The following VAV2 variants were observed in gnomAD, a reference collection of about 807,000 sequenced individuals.
VAV2 encodes guanine nucleotide exchange factor VAV2.
In VAV2, 67 loss-of-function variants were observed where a neutral mutation model predicts 132.5. The ratio of observed to expected loss-of-function variants is 0.51; its 90% CI spans 0.42 to 0.62. The LOEUF (loss-of-function observed/expected upper bound fraction) is 0.62. Ranked by LOEUF, VAV2 falls within the 20% of genes least tolerant of loss-of-function variation. The pLI, the probability that VAV2 is intolerant of heterozygous loss-of-function variation, is 0.00. For missense variants in VAV2, 938 were observed against 1,153.6 expected, an observed-to-expected ratio of 0.81 and a Z score of 2.71; for synonymous variants, 492 against 443.5, an observed-to-expected ratio of 1.11 and a Z score of -1.37.
chr9:133,767,139 A>T (rs1833465168), intron 29 of VAV2, among the ~76,000 whole-genome samples: 1 of 152,204 alleles, frequency 6.6e-6, no homozygotes, highest in Non-Finnish European at 1.5e-5. Context: ...ACAGCTCAGT[A>T]ATTACATTAA....
At chr9:133,933,283 C>T (rs1048968022) in intron 2 of VAV2, among the ~76,000 whole-genome samples, 2 of 152,286 alleles carry the variant, frequency 1.3e-5, no homozygotes, top group African/African-American at 2.4e-5. Context: ...ATTAATTGCT[C>T]AGCAGCTAAT....
chr9:133,817,823 CATTT>C (rs1419269979), intron 4 of VAV2, among the ~76,000 whole-genome samples: 3 of 152,124 alleles, frequency 2.0e-5, no homozygotes, highest in Admixed American at 6.5e-5. Flanking sequence ...TCCGCTCATT[CATTT>C]GTCGTACGTT....
rs1252400832 is a variant in VAV2, at chr9:133,777,392, T to A, written c.1962A>T (p.Gly654=). The A allele has an allele frequency of 1.9e-6, 3 of 1,613,520 alleles. No individual in the cohort carries two copies. The African/African-American group carries it at 4.0e-5, about 22-fold the overall frequency. The change falls in exon 23 of 30, where the codon GGA becomes GGT. Residue 654 remains glycine (G), a synonymous_variant. Coordinates refer to ENST00000371850, the MANE Select transcript of VAV2 (RefSeq NM_001134398.2). Reference sequence around the variant, plus strand: ...GCTTCTGTGGGAAAGGACTCACCCTTCCATCCACAGGGCAGGGCTTCACAG... The same window carrying A: ...GCTTCTGTGGGAAAGGACTCACCCTACCATCCACAGGGCAGGGCTTCACAG... ...SSSVKPCPVD[G]RPPISRPPSR...
Position 133,817,386 on chromosome 9 carries a change from C to T in VAV2, c.450-5170G>A, listed in dbSNP as rs199673107. Among the ~76,000 whole-genome samples, 61 of 152,304 alleles carry T rather than the reference C, an allele frequency of 4.0e-4. 2 individuals carry two copies. The East Asian group carries it at 9.5e-3, about 24-fold the overall frequency. On this transcript the variant is annotated intron_variant, in intron 4 of 29. Transcript: ENST00000371850. ...TGTAACTTCCAGCCTGGCGTGGTGG[C>T]GCACGCCTGTAATCCCAGCACTTTG...
chr9:133,820,515 C>T (rs1835745725), intron 4 of VAV2, among the ~76,000 whole-genome samples: 2 of 151,960 alleles, frequency 1.3e-5, no homozygotes, highest in African/African-American at 2.4e-5. Flanking sequence ...TTAGTAGAGA[C>T]AGGGTTTCAC....
At chr9:133,792,157 CTGTG>C (rs1158018389) in intron 12 of VAV2, among the ~76,000 whole-genome samples, 11 of 66,590 alleles carry the variant, frequency 1.7e-4, no homozygotes, top group African/African-American at 4.9e-4. Context: ...GTGTGTGTGA[CTGTG>C]TGTGTGTAAG....
At chr9:133,949,210 C>T (rs1841472953) in intron 1 of VAV2, among the ~76,000 whole-genome samples, 2 of 152,328 alleles carry the variant, frequency 1.3e-5, no homozygotes, top group East Asian at 3.9e-4. Flanking sequence ...AAGTCAGACC[C>T]ACAGAGGCAA....
rs1457940835 is a variant in VAV2, at chr9:133,804,063, C to T, written c.836+2018G>A. ...TGTCTTGGTTCTCATCCATCCCACC[C>T]AGCGAGAGGCCAGTAGCTCTGTTCA... On this transcript the variant is annotated intron_variant, in intron 9 of 29. Transcript: ENST00000371850. The surrounding 1 kb of genome is among the most constrained non-coding windows in gnomAD (Gnocchi z 4.5). 6.6e-6 allele frequency among the ~76,000 whole-genome samples: 1 copy of T among 152,198 alleles called. No homozygotes were observed. Among genetic ancestry groups the T allele is most frequent in the Non-Finnish European group, 1.5e-5 (1 of 68,040 alleles).
chr9:133,916,630 A>G (rs1840101494), intron 2 of VAV2, among the ~76,000 whole-genome samples: 1 of 152,114 alleles, frequency 6.6e-6, no homozygotes, highest in Non-Finnish European at 1.5e-5. Context: ...AAGAGCCGGG[A>G]GTGCCTGTGT....
Position 133,802,545 on chromosome 9 carries a change from T to C in VAV2, c.836+3536A>G, listed in dbSNP as rs1564362020. On this transcript the variant is annotated intron_variant, in intron 9 of 29. Transcript: ENST00000371850. This position sits in a 1 kb window ranked among gnomAD's most constrained non-coding sequence, Gnocchi z 5.8. ...AAGGCACGGCCCGCCGTGTCCAGCA[T>C]CCTGCCCGACCTCCCCTCTCTGCTG... Among the ~76,000 whole-genome samples the C allele has an allele frequency of 2.0e-5, 3 of 152,286 alleles. No individual in the cohort carries two copies. The East Asian group carries it at 5.8e-4, about 29-fold the overall frequency.
rs1039973433 is a variant in VAV2 at position 133,799,077 on chromosome 9, C to T, written c.837-1268G>A. On this transcript the variant is annotated intron_variant, in intron 9 of 29. Transcript: ENST00000371850. ...AGCTGGGCCTGTAGCCTGGCTTCTG[C>T]GGAGGGTGGCCCTCGGGGAGAAGCG... Among the ~76,000 whole-genome samples the T allele has an allele frequency of 3.9e-5, 6 of 152,230 alleles. No homozygotes were observed. In the East Asian group the frequency reaches 7.7e-4, roughly 20 times the overall value.
intron 4 of VAV2, among the ~76,000 whole-genome samples, chr9:133,818,919 A>C (rs1024016130): frequency 6.6e-6 from 1 of 151,446 alleles, no homozygotes; most frequent in Non-Finnish European, 1.5e-5. Context: ...TAATTGTTTT[A>C]TTTTTCCTGG....
chr9:133,881,456 G>A (rs1346468768), intron 2 of VAV2, among the ~76,000 whole-genome samples: 3 of 152,234 alleles, frequency 2.0e-5, no homozygotes, highest in Non-Finnish European at 4.4e-5. Flanking sequence ...AGGCTGCAAA[G>A]GAGTCTCCAA....
chr9:133,860,165 G>A (rs1837540399), intron 3 of VAV2, among the ~76,000 whole-genome samples: 1 of 151,948 alleles, frequency 6.6e-6, no homozygotes, highest in Admixed American at 6.6e-5. Context: ...AGCCGGGCGT[G>A]GTGGTGCGTG....
chr9:133,793,392 C>T (rs564738209), intron 12 of VAV2, among the ~76,000 whole-genome samples: 1 of 149,516 alleles, frequency 6.7e-6, no homozygotes, highest in Non-Finnish European at 1.5e-5. Flanking sequence ...TCCTAGAAGA[C>T]CTCACCATTG....
intron 2 of VAV2, among the ~76,000 whole-genome samples, chr9:133,922,223 G>A (rs1428533514): frequency 1.3e-5 from 2 of 152,348 alleles, no homozygotes; most frequent in South Asian, 2.1e-4. Flanking sequence ...ACCCTGCCCT[G>A]CAGAAGTCCT....
Position 133,973,242 on chromosome 9 carries a change from C to T in VAV2, c.204+18833G>A, listed in dbSNP as rs1482095073. Among the ~76,000 whole-genome samples the T allele has an allele frequency of 2.6e-5, 4 of 152,180 alleles. No individual in the cohort carries two copies. The East Asian group carries it at 7.7e-4, about 29-fold the overall frequency. On this transcript the variant is annotated intron_variant, in intron 1 of 29. Coordinates refer to ENST00000371850, the MANE Select transcript of VAV2 (RefSeq NM_001134398.2). ...GGCATCTGGCCCGCCTGGCCCAGCG[C>T]TCAGCCCGCCCAGAGCGTCAACCCC... is the stretch of plus-strand genomic sequence containing the variant.
At chr9:133,939,474 A>G (rs1296564481) in intron 1 of VAV2, among the ~76,000 whole-genome samples, 3 of 152,130 alleles carry the variant, frequency 2.0e-5, no homozygotes, top group Admixed American at 2.0e-4. Flanking sequence ...TGTAGCCACC[A>G]CCGCCCCCAG....
chr9:133,855,172 G>A (rs375464764), intron 3 of VAV2, among the ~76,000 whole-genome samples: 9 of 152,244 alleles, frequency 5.9e-5, no homozygotes, highest in African/African-American at 1.9e-4. Context: ...ACTCAGGGGA[G>A]AAGAGGCCGG....
Sources: allele counts gnomAD v4.1 joint callset (sites outside exome capture counted in the v4.1 genomes callset), GRCh38; gene constraint gnomAD v4.1.1; non-coding constraint Gnocchi (gnomAD v3.1); transcripts MANE v1.5; gene names NCBI Gene and HGNC (gene_info 2026-07-23, HGNC 2026-07-21).